CHSY1: variants seen among roughly 807,000 people sequenced by gnomAD.
CHSY1 encodes the protein N-acetylgalactosaminyl-proteoglycan 3-beta-glucuronosyltransferase 1.
In CHSY1, 13 loss-of-function variants were observed where a neutral mutation model predicts 59.8. The observed-to-expected ratio is 0.22, with a 90% CI of 0.14 to 0.35. The LOEUF (loss-of-function observed/expected upper bound fraction) is 0.35, where lower values mean the gene tolerates loss of function less well. Among genes scored for constraint, CHSY1 ranks in the 10% least tolerant of loss-of-function variants. CHSY1 has a pLI of 1.00. For missense variants in CHSY1, 947 were observed against 1,030.6 expected (o/e 0.92, Z 1.11); for synonymous variants, 459 against 401.2 (o/e 1.14, Z -1.72).
intron 2 of CHSY1, among the ~76,000 whole-genome samples, chr15:101,190,915 G>C (rs1011796966): frequency 6.6e-6 from 1 of 152,124 alleles, no homozygotes; most frequent in Non-Finnish European, 1.5e-5. Context: ...CGAGAGGAGC[G>C]ACGCGAAATG....
intron 2 of CHSY1, among the ~76,000 whole-genome samples, chr15:101,199,430 G>A (rs1216804604): frequency 2.6e-5 from 4 of 152,218 alleles, no homozygotes; most frequent in African/African-American, 7.2e-5. Flanking sequence ...TTGAACCCAG[G>A]AGGCGGAAGT....
intron 2 of CHSY1, among the ~76,000 whole-genome samples, chr15:101,182,646 C>A (rs2038296109): frequency 6.6e-6 from 1 of 152,110 alleles, no homozygotes; most frequent in Admixed American, 6.5e-5. Flanking sequence ...CACTTGTGTC[C>A]CAGAAAACTT....
intron 2 of CHSY1, among the ~76,000 whole-genome samples, chr15:101,188,475 G>T (rs2038400475): frequency 6.6e-6 from 1 of 152,042 alleles, no homozygotes; most frequent in Admixed American, 6.5e-5. Flanking sequence ...GTCCCTGCTA[G>T]GTCTTTCCTA....
chr15:101,238,324 C>G (rs1227576646), intron 1 of CHSY1, among the ~76,000 whole-genome samples: 1 of 152,120 alleles, frequency 6.6e-6, no homozygotes, highest in Non-Finnish European at 1.5e-5. Flanking sequence ...AAAGAACTTA[C>G]AATGAAGCAC....
intron 1 of CHSY1, among the ~76,000 whole-genome samples, chr15:101,244,570 GAAT>G (rs201493873): frequency 0.012 from 1,833 of 152,340 alleles, 20 homozygotes; most frequent in Non-Finnish European, 0.017. Flanking sequence ...AGAAAAACCA[GAAT>G]ATATAGAAAA....
intron 2 of CHSY1, among the ~76,000 whole-genome samples, chr15:101,216,372 T>C (rs928737429): frequency 6.6e-6 from 1 of 152,190 alleles, no homozygotes; most frequent in Non-Finnish European, 1.5e-5. Context: ...TTATATACAA[T>C]CCAGCAGTCA....
chr15:101,206,227 C>A (rs1456537885), intron 2 of CHSY1, among the ~76,000 whole-genome samples: 1 of 152,242 alleles, frequency 6.6e-6, no homozygotes, highest in Non-Finnish European at 1.5e-5. Context: ...TAGGGCTGCA[C>A]AGGCATGGTG....
intron 2 of CHSY1, among the ~76,000 whole-genome samples, chr15:101,206,636 G>C (rs947218595): frequency 6.6e-6 from 1 of 152,206 alleles, no homozygotes; most frequent in Non-Finnish European, 1.5e-5. Flanking sequence ...GTGGAAGCTA[G>C]AAGAGACAGC....
chr15:101,251,711 A>AGCGGCGGCTCGGGCGCGAGGTG lies in CHSY1; in HGVS notation c.-277_-256dup, dbSNP rs1329738256. 2 of 146,960 alleles carry AGCGGCGGCTCGGGCGCGAGGTG rather than the reference A, an allele frequency of 1.4e-5. No homozygotes were observed. The highest frequency in any genetic ancestry group is 1.5e-5 in the Non-Finnish European group (1 of 66,146). 9.1% of individuals were successfully genotyped at this position (146,960 alleles called of 1,614,324 possible). Reference sequence around the variant, plus strand: ...GAGGGGACCATGCCCGGCGCGCGCTAGCGGCGGCTCGGGCGCGAGGTGGCG... The same window carrying AGCGGCGGCTCGGGCGCGAGGTG: ...GAGGGGACCATGCCCGGCGCGCGCTAGCGGCGGCTCGGGCGCGAGGTGGCGGCGGCTCGGGCGCGAGGTGGCG... On this transcript the variant is annotated 5_prime_UTR_variant, in exon 1 of 3. An upstream open reading frame in the 5' UTR gains an earlier in-frame stop. Transcript: ENST00000254190.
At position 101,178,474 on chromosome 15, in the gene CHSY1, G is replaced by A. The variant is rs1249881627; in HGVS notation, c.1323C>T (p.Pro441=). Residue 441 remains proline, a synonymous_variant, in exon 3 of 3, where the codon CCC becomes CCT. Transcript: ENST00000254190. ...CCAGGATGTACTCAGCCCCATACAT[G>A]GGGTTCACCCGGCGGTAGCCGTACT... ...EIQYGYRRVN[P]MYGAEYILDL... 6.2e-7 allele frequency: 1 copy of A among 1,614,212 alleles called. No individual in the cohort carries two copies. Among genetic ancestry groups the A allele is most frequent in the South Asian group, 1.1e-5 (1 of 91,076 alleles).
chr15:101,191,584 T>C (rs190007140), intron 2 of CHSY1, among the ~76,000 whole-genome samples: 27 of 152,300 alleles, frequency 1.8e-4, no homozygotes, highest in Admixed American at 5.2e-4. Flanking sequence ...GATAATGATA[T>C]GTCACTGTAG....
chr15:101,207,366 T>A (rs947861073), intron 2 of CHSY1, among the ~76,000 whole-genome samples: 3 of 152,262 alleles, frequency 2.0e-5, no homozygotes, highest in African/African-American at 7.2e-5. Flanking sequence ...CTAACAACAG[T>A]ATTTTAAAAA....
At chr15:101,206,108 T>C (rs550612100) in intron 2 of CHSY1, among the ~76,000 whole-genome samples, 1 of 152,252 alleles carries the variant, frequency 6.6e-6, no homozygotes, top group East Asian at 1.9e-4. Flanking sequence ...CTTCATAACG[T>C]TTGCAATACT....
intron 1 of CHSY1, among the ~76,000 whole-genome samples, chr15:101,237,823 T>G (rs1210153735): frequency 6.6e-6 from 1 of 152,192 alleles, no homozygotes; most frequent in Non-Finnish European, 1.5e-5. Context: ...GGAGAATAAA[T>G]AAAATAGTAA....
At chr15:101,234,667 G>T (rs1424270522) in intron 2 of CHSY1, among the ~76,000 whole-genome samples, 1 of 152,228 alleles carries the variant, frequency 6.6e-6, no homozygotes, top group African/African-American at 2.4e-5. Flanking sequence ...AAGAGTTCGA[G>T]ACCAGCCTGG....
At chr15:101,201,299 AAAG>A (rs1420495150) in intron 2 of CHSY1, among the ~76,000 whole-genome samples, 3 of 152,230 alleles carry the variant, frequency 2.0e-5, no homozygotes, top group Admixed American at 6.5e-5. Context: ...GCTGGTGGTT[AAAG>A]AAGGAGTTGC....
intron 2 of CHSY1, among the ~76,000 whole-genome samples, chr15:101,195,872 G>A (rs1022291475): frequency 6.7e-6 from 1 of 149,714 alleles, no homozygotes; most frequent in African/African-American, 2.4e-5. Flanking sequence ...AATTGCAGGA[G>A]AGACTATCAA....
At chr15:101,227,795 T>C (rs2038855232) in intron 2 of CHSY1, among the ~76,000 whole-genome samples, 1 of 152,128 alleles carries the variant, frequency 6.6e-6, no homozygotes, top group Admixed American at 6.5e-5. Context: ...TCTAAGGAAA[T>C]CTCTGTCCAG....
At chr15:101,213,792 A>G (rs1241283031) in intron 2 of CHSY1, among the ~76,000 whole-genome samples, 1 of 152,268 alleles carries the variant, frequency 6.6e-6, no homozygotes, top group East Asian at 1.9e-4. Context: ...GAAGAAAAGC[A>G]AACTCCCACA....
Sources: allele counts gnomAD v4.1 joint callset (sites outside exome capture counted in the v4.1 genomes callset), GRCh38; gene constraint gnomAD v4.1.1; transcripts MANE v1.5; gene names NCBI Gene and HGNC (gene_info 2026-07-23, HGNC 2026-07-21).